Variants in DLG2 observed in about 807,000 individuals in gnomAD.
DLG2 encodes disks large homolog 2.
In DLG2, 45 loss-of-function variants were observed where a neutral mutation model predicts 132.5. The ratio of observed to expected loss-of-function variants is 0.34; its 90% confidence interval spans 0.27 to 0.44. The LOEUF (loss-of-function observed/expected upper bound fraction) is 0.44, where lower values mean the gene tolerates loss of function less well. Among genes scored for constraint, DLG2 ranks in the 20% least tolerant of loss-of-function variants. The pLI, the probability that DLG2 is intolerant of heterozygous loss-of-function variation, is 1.00. For missense variants in DLG2, 1,045 were observed against 1,196.9 expected (o/e 0.87, Z 1.87); for synonymous variants, 424 against 419.6 (o/e 1.01, Z -0.13).
intron 6 of DLG2, among the ~76,000 whole-genome samples, chr11:84,861,225 A>G (rs2083575114): frequency 6.6e-6 from 1 of 152,058 alleles, no homozygotes; most frequent in South Asian, 2.1e-4. Context: ...CCTAAAGGAG[A>G]TCATATGAGG....
At chr11:83,899,307 T>A (rs1007796572) in intron 15 of DLG2, among the ~76,000 whole-genome samples, 1 of 152,174 alleles carries the variant, frequency 6.6e-6, no homozygotes, top group Non-Finnish European at 1.5e-5. Context: ...CCAAACACCA[T>A]CCTGTCTTCT....
intron 6 of DLG2, among the ~76,000 whole-genome samples, chr11:84,736,551 T>G (rs937985590): frequency 6.6e-6 from 1 of 151,940 alleles, no homozygotes; most frequent in Admixed American, 6.6e-5. Flanking sequence ...GGTCTTTAAT[T>G]TTACTTAATT....
chr11:84,804,683 T>A (rs2075795745), intron 6 of DLG2, among the ~76,000 whole-genome samples: 1 of 152,040 alleles, frequency 6.6e-6, no homozygotes, highest in African/African-American at 2.4e-5. Flanking sequence ...TAGCCAAAGG[T>A]CCAGGAAAAG....
At chr11:84,700,994 T>C (rs1381407124) in intron 6 of DLG2, among the ~76,000 whole-genome samples, 1 of 151,456 alleles carries the variant, frequency 6.6e-6, no homozygotes, top group Non-Finnish European at 1.5e-5. Flanking sequence ...CTTTCCATTC[T>C]GGCTTTCAGG....
intron 7 of DLG2, among the ~76,000 whole-genome samples, chr11:84,512,041 C>G (rs1360625755): frequency 1.3e-5 from 2 of 152,138 alleles, no homozygotes; most frequent in Admixed American, 6.6e-5. Context: ...TTGAATTCCT[C>G]AAAGGCTACA....
intron 7 of DLG2, among the ~76,000 whole-genome samples, chr11:84,356,696 T>A (rs940762565): frequency 7.9e-5 from 12 of 152,098 alleles, no homozygotes; most frequent in African/African-American, 2.9e-4. Flanking sequence ...TGTTTTCTTA[T>A]TCTAATTATT....
At chr11:85,474,249 T>C (rs181497477) in intron 3 of DLG2, among the ~76,000 whole-genome samples, 9 of 151,988 alleles carry the variant, frequency 5.9e-5, no homozygotes, top group African/African-American at 1.7e-4. Context: ...ACCAAAAAAA[T>C]AGAACAAGCC....
At chr11:83,851,664 G>A (rs1469880067) in intron 16 of DLG2, among the ~76,000 whole-genome samples, 1 of 150,566 alleles carries the variant, frequency 6.6e-6, no homozygotes, top group Non-Finnish European at 1.5e-5. Context: ...GCTCTTGCCT[G>A]TAATCCCAGC....
chr11:83,659,951 A>T (rs2073815761), intron 18 of DLG2, among the ~76,000 whole-genome samples: 1 of 152,160 alleles, frequency 6.6e-6, no homozygotes, highest in Admixed American at 6.5e-5. Flanking sequence ...TTATTTGCTG[A>T]ATCCTAAATT....
At chr11:84,359,678 G>T (rs1365561256) in intron 7 of DLG2, among the ~76,000 whole-genome samples, 1 of 151,656 alleles carries the variant, frequency 6.6e-6, no homozygotes, top group Non-Finnish European at 1.5e-5. Context: ...TTACACTTTG[G>T]GCTTCTACTC....
At chr11:84,445,994 T>C (rs1215098585) in intron 7 of DLG2, among the ~76,000 whole-genome samples, 2 of 151,262 alleles carry the variant, frequency 1.3e-5, no homozygotes, top group Admixed American at 1.3e-4. Context: ...CTCATTATTC[T>C]CTTAAATTCT....
At chr11:85,193,942 CT>C (rs1173108247) in intron 4 of DLG2, among the ~76,000 whole-genome samples, 1 of 152,208 alleles carries the variant, frequency 6.6e-6, no homozygotes, top group Non-Finnish European at 1.5e-5. Flanking sequence ...GGTTATAGTG[CT>C]GCAGGCACCC....
At chr11:85,503,128 CT>C (rs1304304779) in intron 3 of DLG2, among the ~76,000 whole-genome samples, 1 of 151,990 alleles carries the variant, frequency 6.6e-6, no homozygotes, top group African/African-American at 2.4e-5. Context: ...GCAAACTAAA[CT>C]ATATATTTTA....
At chr11:84,942,611 A>T (rs1174541189) in intron 6 of DLG2, among the ~76,000 whole-genome samples, 1 of 152,148 alleles carries the variant, frequency 6.6e-6, no homozygotes, top group Admixed American at 6.6e-5. Flanking sequence ...CAATTTTTTA[A>T]AATTTTTTAA....
intron 16 of DLG2, among the ~76,000 whole-genome samples, chr11:83,842,476 C>G (rs1188051586): frequency 3.4e-5 from 5 of 147,036 alleles, no homozygotes; most frequent in Non-Finnish European, 7.4e-5. Context: ...CACCTGTAGT[C>G]CCAGCTGCTC....
intron 9 of DLG2, among the ~76,000 whole-genome samples, chr11:84,157,948 A>G (rs899126994): frequency 4.6e-5 from 7 of 152,178 alleles, no homozygotes; most frequent in African/African-American, 1.7e-4. Context: ...TAATGTCACC[A>G]TGATAACATA....
chr11:84,062,574 T>G (rs1014451578), intron 10 of DLG2, among the ~76,000 whole-genome samples: 1 of 152,216 alleles, frequency 6.6e-6, no homozygotes, highest in Admixed American at 6.5e-5. Flanking sequence ...TGTTCTTACT[T>G]AAACAATTTA....
chr11:85,415,505 A>C (rs1203946362), intron 3 of DLG2, among the ~76,000 whole-genome samples: 1 of 152,160 alleles, frequency 6.6e-6, no homozygotes, highest in South Asian at 2.1e-4. Flanking sequence ...ATTTCTCCAC[A>C]TCCTCTCCAG....
chr11:85,418,589 A>T (rs764415217), intron 3 of DLG2, among the ~76,000 whole-genome samples: 1 of 152,158 alleles, frequency 6.6e-6, no homozygotes, highest in Non-Finnish European at 1.5e-5. Context: ...GTCTCTTTGT[A>T]AGTCTCTAAG....
Sources: gnomAD v4.1 joint callset for allele counts (sites outside exome capture counted in the v4.1 genomes callset) on GRCh38, gnomAD v4.1.1 for gene constraint, MANE v1.5 for transcripts, NCBI Gene and HGNC (gene_info 2026-07-23, HGNC 2026-07-21) for gene names.